Variants in ITGA2B observed in about 807,000 individuals in gnomAD.
ITGA2B encodes integrin subunit alpha 2b.
A neutral mutation model predicts 142.0 loss-of-function variants in ITGA2B; 91 were observed. The ratio of observed to expected loss-of-function variants is 0.64; its 90% CI spans 0.54 to 0.76. ITGA2B has a LOEUF of 0.76. Ranked by LOEUF, ITGA2B falls within the 30% of genes least tolerant of loss-of-function variation. The pLI, the probability that ITGA2B is intolerant of heterozygous loss-of-function variation, is 0.00. For missense variants in ITGA2B, 1,231 were observed against 1,350.8 expected (o/e 0.91, Z 1.39); for synonymous variants, 536 against 567.2 (o/e 0.94, Z 0.78).
rs2048619322 is a variant in ITGA2B, at chr17:44,383,898, C to T, written c.994G>A (p.Asp332Asn). The T allele has an allele frequency of 6.2e-7, 1 of 1,613,806 alleles. No individual in the cohort carries two copies. The highest frequency in any genetic ancestry group is 8.5e-7 in the Non-Finnish European group (1 of 1,179,992). ...GTGGGGCATGTCCCTCCTCACCCAT[C>T]CCCGTTGACGTCAGTGACAGCCACT... ...HSVAVTDVNG[D>N]GRHDLLVGAP... is the part of the protein sequence containing the mutation. The change falls in exon 11 of 30, where the codon GAT becomes AAT. Residue 332 changes from aspartate to asparagine, a missense_variant. Transcript: ENST00000262407.
At position 44,385,558 on chromosome 17, in the gene ITGA2B, A is replaced by G. The variant is rs2143488106; in HGVS notation, c.567T>C (p.Asn189=). Residue 189 remains asparagine (N), a synonymous_variant, in exon 4 of 30, where the codon AAT becomes AAC. Transcript: ENST00000262407. Reference sequence around the variant, plus strand: ...GTCGTAGCTGGCGCTTACTAAAATCATTTTCCACGTAAATGCGGCTCAGGG... The same window carrying G: ...GTCGTAGCTGGCGCTTACTAAAATCGTTTTCCACGTAAATGCGGCTCAGGG... The part of the protein sequence containing the change: ...GNTLSRIYVE[N]DFSWDKRYCE... The G allele has an allele frequency of 6.3e-7, 1 of 1,582,036 alleles. No individual in the cohort carries two copies. Among genetic ancestry groups the G allele is most frequent in the African/African-American group, 1.3e-5 (1 of 74,606 alleles).
chr17:44,384,382 G>A lies in ITGA2B; in HGVS notation c.848-28C>T. ...GGCGATAGGGAGAGCCAGGCTCAGG[G>A]AATGAGAGCCTTAGAACCTACCCAC... On this transcript the variant is annotated intron_variant, in intron 8 of 29. Coordinates refer to ENST00000262407, the MANE Select transcript of ITGA2B (RefSeq NM_000419.5). The A allele has an allele frequency of 1.9e-6, 3 of 1,613,598 alleles. 1 individual carries two copies. The highest frequency in any genetic ancestry group is 2.2e-5 in the South Asian group (2 of 91,078).
At position 44,384,579 on chromosome 17, in the gene ITGA2B, G is replaced by A. The variant is rs779929585; in HGVS notation, c.806C>T (p.Ser269Leu). 1.2e-6 allele frequency: 2 copies of A among 1,614,076 alleles called. No homozygotes were observed. Among genetic ancestry groups the A allele is most frequent in the Admixed American group, 1.7e-5 (1 of 60,026 alleles). ...CCCGTCGAACTCGCCCACGGCCACC[G>A]AGTACCCTGAGGACAAGGGCGCAAA... ...PEYFDGYWGYSVAVGEFDGDL... is the reference protein window; with the variant it reads ...PEYFDGYWGYLVAVGEFDGDL... Residue 269 changes from serine (S) to leucine (L), a missense_variant, in exon 8 of 30, where the codon TCG becomes TTG. Around this residue, in one of 3 missense-constraint regions of ITGA2B, gnomAD observed 908 missense variants for 1,021.1 expected, o/e 0.89. Coordinates refer to ENST00000262407, the MANE Select transcript of ITGA2B (RefSeq NM_000419.5).
chr17:44,384,631 A>G, intron 7 of ITGA2B, 46 bp from the exon 8 acceptor site: 1 of 1,604,832 alleles, frequency 6.2e-7, no homozygotes, highest in Non-Finnish European at 8.5e-7. Flanking sequence ...GAGGAAGCAC[A>G]GAGGGGACGG....
rs773316703 is a variant in ITGA2B, at chr17:44,389,376, T to C, written c.98A>G (p.Asn33Ser). The change falls in exon 1 of 30, where the codon AAC (asparagine) becomes AGC (serine). Residue 33 changes from asparagine (N) to serine (S), a missense_variant. By Grantham distance (46) the Asn-to-Ser change is conservative. Around this residue, in one of 3 missense-constraint regions of ITGA2B, gnomAD observed 318 missense variants for 312.2 expected, o/e 1.02. Transcript: ENST00000262407. ...PCAAPPAWAL[N>S]LDPVQLTFYA... ...GAAGGTGAGCTGCACTGGGTCCAGG[T>C]TCAAGGCCCAGGCTGGAGGGGCAGC... The C allele has an allele frequency of 1.2e-6, 2 of 1,614,032 alleles. No homozygotes were observed. Among genetic ancestry groups the C allele is most frequent in the East Asian group, 4.5e-5 (2 of 44,866 alleles).
chr17:44,373,874 C>A (rs1048934604), intron 29 of ITGA2B: 5 of 210,390 alleles, frequency 2.4e-5, no homozygotes, highest in Non-Finnish European at 3.9e-5. Context: ...GTTTGTTTTG[C>A]CTTTTTTGCT....
At position 44,375,116 on chromosome 17, in the gene ITGA2B, G is replaced by A. The variant is rs1767600576; in HGVS notation, c.2728-5C>T. The A allele has an allele frequency of 6.5e-7, 1 of 1,548,260 alleles. No homozygotes were observed. The highest frequency in any genetic ancestry group is 8.7e-7 in the Non-Finnish European group (1 of 1,146,168). ...ACAGGGCGCCGAGTCGCAGCTCTGA[G>A]GGGAAGCATCGTCAGTCCCCAGCCC... On this transcript the variant is annotated splice_region_variant and splice_polypyrimidine_tract_variant and intron_variant, in intron 26 of 29. Transcript: ENST00000262407.
At chr17:44,389,014 C>T (rs1325279197) in intron 1 of ITGA2B, among the ~76,000 whole-genome samples, 1 of 151,892 alleles carries the variant, frequency 6.6e-6, no homozygotes, top group African/African-American at 2.4e-5. Flanking sequence ...ATACAACTGA[C>T]CCTTGGGGAA....
At chr17:44,377,937 G>GT (rs1277582644) in intron 20 of ITGA2B, 147 bp from the exon 21 acceptor site, 1 of 682,538 alleles carries the variant, frequency 1.5e-6, no homozygotes, top group Admixed American at 2.2e-5. Context: ...TCACATGCTA[G>GT]TGTGTGTATT....
chr17:44,388,865 A>G (rs1444385246), intron 1 of ITGA2B, among the ~76,000 whole-genome samples: 1 of 124,434 alleles, frequency 8.0e-6, no homozygotes, highest in African/African-American at 3.2e-5. Flanking sequence ...GGGTTTCTCC[A>G]TGTTGGTCAG....
At position 44,374,438 on chromosome 17, in the gene ITGA2B, CT is replaced by C. The variant is rs1467071163; in HGVS notation, c.2975del (p.Glu992GlyfsTer?). 1 of 1,614,168 alleles carries C rather than the reference CT, an allele frequency of 6.2e-7. No homozygotes were observed. Among genetic ancestry groups the C allele is most frequent in the East Asian group, 2.2e-5 (1 of 44,878 alleles). On this transcript the variant is annotated frameshift_variant, in exon 29 of 30. Transcript: ENST00000262407. LOFTEE classifies it high-confidence loss of function. ...VWTQLLRALE[E>X]RAIPIWWVLV... ...GCACCCACCAGATTGGAATGGCCCT[CT>C]CCTCCAAGGCCCGGAGCAGCTGTGT...
At position 44,376,312 on chromosome 17, in the gene ITGA2B, G is replaced by C; in HGVS notation, c.2344C>G (p.Arg782Gly). 1 of 1,614,098 alleles carries C rather than the reference G, an allele frequency of 6.2e-7. No homozygotes were observed. Among genetic ancestry groups the C allele is most frequent in the Non-Finnish European group, 8.5e-7 (1 of 1,180,002 alleles). The stretch of plus-strand genomic sequence containing the variant: ...TCTCCACCCCTGGCCTCTCACCCTC[G>C]CAGCTCCACTTGGGCCTCTGCCCGG... ...PVRAEAQVELRGNSFPASLVV... is the reference protein window; with the variant it reads ...PVRAEAQVELGGNSFPASLVV... The change falls in exon 23 of 30, where the codon CGA (arginine) becomes GGA (glycine). Residue 782 changes from arginine to glycine, a missense_variant. Physicochemically the swap from Arg to Gly is moderately radical, Grantham distance 125. Around this residue, in one of 3 missense-constraint regions of ITGA2B, gnomAD observed 908 missense variants for 1,021.1 expected, o/e 0.89. Transcript: ENST00000262407.
rs556015393 is a variant in ITGA2B at position 44,376,012 on chromosome 17, G to T, written c.2449-27C>A. On this transcript the variant is annotated intron_variant, in intron 24 of 29. Transcript: ENST00000262407. The stretch of plus-strand genomic sequence containing the variant: ...TGAAGGGGTGGTGGTGGCAGGGTGT[G>T]GGGAGCTTAGCGCCTCACCCGGAGT... The T allele has an allele frequency of 1.5e-5, 25 of 1,614,084 alleles. No homozygotes were observed. In the East Asian group the frequency reaches 5.3e-4, roughly 35 times the overall value.
At position 44,385,543 on chromosome 17, in the gene ITGA2B, G is replaced by GC; in HGVS notation, c.574+7dup. ...AGTGGGCGGGGCCAGGTCGTAGCTG[G>GC]CGCTTACTAAAATCATTTTCCACGT... On this transcript the variant is annotated splice_region_variant and intron_variant, in intron 4 of 29. Transcript: ENST00000262407. 1 of 1,556,048 alleles carries GC rather than the reference G, an allele frequency of 6.4e-7. No homozygotes were observed. The highest frequency in any genetic ancestry group is 1.4e-5 in the African/African-American group (1 of 73,986).
chr17:44,372,931 T>C lies in ITGA2B; in HGVS notation c.3061-508A>G, dbSNP rs559781817. Among the ~76,000 whole-genome samples, 7 of 152,282 alleles carry C rather than the reference T, an allele frequency of 4.6e-5. No homozygotes were observed. In the East Asian group the frequency reaches 1.4e-3, roughly 29 times the overall value. The stretch of plus-strand genomic sequence containing the variant: ...CCACTGTGCCCGGCCTCTGAATTTT[T>C]CTTTTTTATTTTATTTTTAGAGACA... On this transcript the variant is annotated intron_variant, in intron 29 of 29. Coordinates refer to ENST00000262407, the MANE Select transcript of ITGA2B (RefSeq NM_000419.5).
chr17:44,377,595 A>T, intron 21 of ITGA2B, 103 bp downstream of exon 21: 2 of 849,302 alleles, frequency 2.4e-6, no homozygotes, highest in Non-Finnish European at 4.0e-6. Flanking sequence ...TGTGAGGACC[A>T]AGATTCTGGC....
chr17:44,380,608 A>G lies in ITGA2B; in HGVS notation c.1431T>C (p.Ala477=). Residue 477 remains alanine (A), a synonymous_variant, in exon 14 of 30, where the codon GCT becomes GCC. Transcript: ENST00000262407. ...IVGAYGANQV[A]VYRAQPVVKA... ...CTGGAGCCAGTGCTCACCTGTACAC[A>G]GCCACCTGGTTGGCCCCGTAAGCTC... The G allele has an allele frequency of 3.1e-6, 5 of 1,614,178 alleles. No homozygotes were observed. The highest frequency in any genetic ancestry group is 2.2e-5 in the South Asian group (2 of 91,084).
chr17:44,384,697 T>C, intron 7 of ITGA2B, 112 bp from the exon 8 acceptor site: 2 of 1,390,924 alleles, frequency 1.4e-6, no homozygotes, highest in African/African-American at 1.4e-5. Flanking sequence ...ATTGTGCAGA[T>C]GGAAAAACGG....
chr17:44,380,203 G>C, intron 16 of ITGA2B, 43 bp downstream of exon 16: 2 of 1,614,050 alleles, frequency 1.2e-6, no homozygotes, highest in Non-Finnish European at 1.7e-6. Flanking sequence ...GCCTCCGGGG[G>C]AGTCCAAGCC....
Sources: gnomAD v4.1 joint callset for allele counts (sites outside exome capture counted in the v4.1 genomes callset) on GRCh38, gnomAD v4.1.1 for gene constraint, gnomAD v4.1.1 regional missense constraint, MANE v1.5 for transcripts, NCBI Gene and HGNC (gene_info 2026-07-23, HGNC 2026-07-21) for gene names.